SORCS1: variants seen among roughly 807,000 people sequenced by gnomAD.
SORCS1 encodes VPS10 domain-containing receptor SorCS1.
Under a neutral mutation model 146.1 loss-of-function variants are expected in SORCS1, and 60 were observed. The observed-to-expected ratio is 0.41, with a 90% confidence interval of 0.33 to 0.51. The LOEUF (loss-of-function observed/expected upper bound fraction) is 0.51. Among genes scored for constraint, SORCS1 ranks in the 20% least tolerant of loss-of-function variants. The pLI is 0.21. For missense variants in SORCS1, 1,352 were observed against 1,487.6 expected (o/e 0.91, Z 1.50); for synonymous variants, 637 against 584.0 (o/e 1.09, Z -1.31).
chr10:106,977,083 T>G (rs1956057656), intron 1 of SORCS1, among the ~76,000 whole-genome samples: 1 of 152,214 alleles, frequency 6.6e-6, no homozygotes, highest in South Asian at 2.1e-4. Flanking sequence ...CCAAATTATT[T>G]CTGGTTTCTA....
rs3045086 is a variant in SORCS1 at position 106,909,384 on chromosome 10, C to CAGAG, written c.626+47125_626+47128dup. ...TAGAGTGGAAGGAGAATACAAATGA[C>CAGAG]AGAGAGAGAGAGAGAGAGAGAATAT... On this transcript the variant is annotated intron_variant, in intron 2 of 25. Transcript: ENST00000263054. 7.0e-3 allele frequency among the ~76,000 whole-genome samples: 1,050 copies of CAGAG among 149,902 alleles called. 3 individuals are homozygous for CAGAG. Among genetic ancestry groups the CAGAG allele is most frequent in the Admixed American group, 9.1e-3 (136 of 15,020 alleles).
chr10:107,008,871 C>T (rs1205248860), intron 1 of SORCS1, among the ~76,000 whole-genome samples: 3 of 152,206 alleles, frequency 2.0e-5, no homozygotes, highest in African/African-American at 7.2e-5. Flanking sequence ...GTGGCGGGTG[C>T]CTGTCGTCCC....
At chr10:107,100,713 G>C (rs1438656421) in intron 1 of SORCS1, among the ~76,000 whole-genome samples, 1 of 152,118 alleles carries the variant, frequency 6.6e-6, no homozygotes, top group Admixed American at 6.5e-5. Flanking sequence ...GCTGGATCTT[G>C]ATTACTCTCT....
intron 2 of SORCS1, among the ~76,000 whole-genome samples, chr10:106,839,050 G>A (rs1362891256): frequency 6.6e-6 from 1 of 151,826 alleles, no homozygotes; most frequent in Non-Finnish European, 1.5e-5. Flanking sequence ...CACCCCTCAG[G>A]CCTCCCTCTT....
chr10:106,921,690 C>T (rs1185940721), intron 2 of SORCS1, among the ~76,000 whole-genome samples: 1 of 152,094 alleles, frequency 6.6e-6, no homozygotes, highest in Non-Finnish European at 1.5e-5. Context: ...GCATTGCTAC[C>T]CCTATAGAAA....
At chr10:106,849,901 G>C (rs1406781693) in intron 2 of SORCS1, among the ~76,000 whole-genome samples, 1 of 152,048 alleles carries the variant, frequency 6.6e-6, no homozygotes, top group Non-Finnish European at 1.5e-5. Context: ...GCTGCTCGGG[G>C]GTCAGGGGTC....
At chr10:106,803,129 GC>G (rs1946994743) in intron 3 of SORCS1, among the ~76,000 whole-genome samples, 1 of 152,074 alleles carries the variant, frequency 6.6e-6, no homozygotes, top group African/African-American at 2.4e-5. Context: ...AACCTAGAAC[GC>G]AGACCTTGGG....
intron 24 of SORCS1, 133 bp from the exon 25 acceptor site, chr10:106,579,607 A>G (rs1195464334): frequency 1.5e-5 from 13 of 855,562 alleles, no homozygotes; most frequent in African/African-American, 3.4e-5. Flanking sequence ...CACAAGATGC[A>G]TGTCACATGG....
At chr10:106,885,056 G>A (rs1290517892) in intron 2 of SORCS1, among the ~76,000 whole-genome samples, 2 of 152,162 alleles carry the variant, frequency 1.3e-5, no homozygotes, top group African/African-American at 4.8e-5. Flanking sequence ...TTGTTATACT[G>A]AAGACAGTGT....
At chr10:106,581,550 A>T (rs930758422) in intron 24 of SORCS1, among the ~76,000 whole-genome samples, 5 of 152,156 alleles carry the variant, frequency 3.3e-5, no homozygotes, top group Non-Finnish European at 7.4e-5. Flanking sequence ...GTGTATACAT[A>T]TATGCATATG....
At chr10:107,068,996 T>TA (rs1420610003) in intron 1 of SORCS1, among the ~76,000 whole-genome samples, 2 of 152,282 alleles carry the variant, frequency 1.3e-5, no homozygotes, top group East Asian at 3.9e-4. Context: ...ACATCACTGA[T>TA]AGATTCCCAA....
intron 2 of SORCS1, among the ~76,000 whole-genome samples, chr10:106,945,491 T>G (rs72827241): frequency 6.6e-6 from 1 of 152,290 alleles, no homozygotes; most frequent in Non-Finnish European, 1.5e-5. Flanking sequence ...TATGAGGATG[T>G]GGAAGGTAAC....
intron 1 of SORCS1, among the ~76,000 whole-genome samples, chr10:107,068,869 CA>C (rs397763642): frequency 7.3e-4 from 89 of 122,678 alleles, no homozygotes; most frequent in Middle Eastern, 4.8e-3. Flanking sequence ...GACTCCGTCT[CA>C]AAAAAAAAAA....
intron 1 of SORCS1, among the ~76,000 whole-genome samples, chr10:107,092,525 C>A (rs1474468148): frequency 6.6e-6 from 1 of 152,206 alleles, no homozygotes; most frequent in Non-Finnish European, 1.5e-5. Context: ...CCCTGCCTTG[C>A]ACATGACAAG....
chr10:106,747,907 G>A (rs1355137313), intron 5 of SORCS1, among the ~76,000 whole-genome samples: 3 of 152,100 alleles, frequency 2.0e-5, no homozygotes, highest in Non-Finnish European at 2.9e-5. Context: ...GTACTATTAC[G>A]TGTCAATTGA....
chr10:107,157,483 A>G (rs1372598144), intron 1 of SORCS1, among the ~76,000 whole-genome samples: 2 of 152,200 alleles, frequency 1.3e-5, no homozygotes, highest in African/African-American at 4.8e-5. Context: ...AAATACCTTA[A>G]GTAATGGAAG....
At chr10:107,019,474 G>A (rs916614440) in intron 1 of SORCS1, among the ~76,000 whole-genome samples, 1 of 152,118 alleles carries the variant, frequency 6.6e-6, no homozygotes, top group African/African-American at 2.4e-5. Context: ...ATTTTTAAAA[G>A]CTCGTCTAAA....
chr10:106,966,165 T>A (rs1955485673), intron 1 of SORCS1, among the ~76,000 whole-genome samples: 1 of 152,166 alleles, frequency 6.6e-6, no homozygotes, highest in Non-Finnish European at 1.5e-5. Flanking sequence ...AATGCATAAT[T>A]ACACTCTTTT....
At chr10:107,055,140 G>T (rs949415679) in intron 1 of SORCS1, among the ~76,000 whole-genome samples, 2 of 152,172 alleles carry the variant, frequency 1.3e-5, no homozygotes, top group Non-Finnish European at 2.9e-5. Flanking sequence ...AGAGAAGGAG[G>T]TGTCTGGGAG....
Sources: gnomAD v4.1 joint callset for allele counts (sites outside exome capture counted in the v4.1 genomes callset) on GRCh38, gnomAD v4.1.1 for gene constraint, MANE v1.5 for transcripts, NCBI Gene and HGNC (gene_info 2026-07-23, HGNC 2026-07-21) for gene names.